Variants in NAALADL2 observed in about 807,000 individuals in gnomAD.
NAALADL2 encodes inactive N-acetylated-alpha-linked acidic dipeptidase-like protein 2.
Under a neutral mutation model 87.2 loss-of-function variants are expected in NAALADL2, and 76 were observed. That is an observed-to-expected ratio of 0.87 (90% confidence interval 0.72 to 1.05). The LOEUF (loss-of-function observed/expected upper bound fraction) is 1.05. NAALADL2 is among the 50% of genes least tolerant of loss of function. The pLI is 0.00. For synonymous variants in NAALADL2, 354 were observed against 331.0 expected (o/e 1.07, Z -0.75); for missense variants, 1,089 against 945.8 (o/e 1.15, Z -1.99).
At chr3:174,882,555 A>ATG (rs1168505041) in intron 1 of NAALADL2, among the ~76,000 whole-genome samples, 3 of 149,728 alleles carry the variant, frequency 2.0e-5, no homozygotes, top group African/African-American at 5.0e-5. Flanking sequence ...ATATGTACAT[A>ATG]TGTGTATATA....
chr3:175,370,432 C>T (rs1766321391), intron 5 of NAALADL2, among the ~76,000 whole-genome samples: 1 of 151,626 alleles, frequency 6.6e-6, no homozygotes, highest in African/African-American at 2.4e-5. Flanking sequence ...CCATTAACTA[C>T]TGATGCTTCT....
chr3:175,536,571 TAAATTA>T (rs970175308), intron 9 of NAALADL2, among the ~76,000 whole-genome samples: 2 of 152,286 alleles, frequency 1.3e-5, no homozygotes, highest in African/African-American at 4.8e-5. Context: ...AATTAAATAT[TAAATTA>T]ATAGACTTGA....
intron 3 of NAALADL2, among the ~76,000 whole-genome samples, chr3:174,817,564 T>G (rs1411488851): frequency 6.6e-6 from 1 of 152,160 alleles, no homozygotes; most frequent in South Asian, 2.1e-4. Context: ...ATTGTACCAC[T>G]GCACTTCAGC....
At chr3:175,457,523 C>A (rs761154497) in intron 6 of NAALADL2, among the ~76,000 whole-genome samples, 3 of 151,984 alleles carry the variant, frequency 2.0e-5, no homozygotes, top group Non-Finnish European at 4.4e-5. Context: ...GACTTTCCAA[C>A]TTCCTTTTTT....
chr3:174,766,223 G>T (rs1404999354), intron 3 of NAALADL2, among the ~76,000 whole-genome samples: 2 of 152,094 alleles, frequency 1.3e-5, no homozygotes, highest in African/African-American at 2.4e-5. Flanking sequence ...TATTGGGCTG[G>T]TTTTGTCTTC....
At chr3:175,307,721 T>C (rs374163202) in intron 4 of NAALADL2, among the ~76,000 whole-genome samples, 4 of 152,330 alleles carry the variant, frequency 2.6e-5, no homozygotes, top group African/African-American at 9.6e-5. Context: ...CATTGTGGAT[T>C]TCTTAGCACT....
intron 1 of NAALADL2, among the ~76,000 whole-genome samples, chr3:174,960,038 G>A (rs954883823): frequency 6.6e-6 from 1 of 152,038 alleles, no homozygotes; most frequent in African/African-American, 2.4e-5. Context: ...GGAGTCTTGT[G>A]GGGGCAAAGT....
chr3:175,528,814 A>C (rs1337683109), intron 9 of NAALADL2, among the ~76,000 whole-genome samples: 1 of 152,218 alleles, frequency 6.6e-6, no homozygotes, highest in African/African-American at 2.4e-5. Context: ...AAATGAAGAT[A>C]TTTTGTTAGT....
intron 1 of NAALADL2, among the ~76,000 whole-genome samples, chr3:175,063,952 G>A (rs1580259720): frequency 6.6e-6 from 1 of 151,992 alleles, no homozygotes; most frequent in Non-Finnish European, 1.5e-5. Context: ...CCTAAATCCT[G>A]CTGAGTTACT....
intron 5 of NAALADL2, among the ~76,000 whole-genome samples, chr3:175,413,809 A>C (rs1254363327): frequency 6.6e-6 from 1 of 152,076 alleles, no homozygotes; most frequent in South Asian, 2.1e-4. Context: ...GGATAGGTTA[A>C]AAGGTTTATT....
At chr3:175,605,506 T>G (rs565716282) in intron 10 of NAALADL2, among the ~76,000 whole-genome samples, 1 of 152,278 alleles carries the variant, frequency 6.6e-6, no homozygotes, top group Non-Finnish European at 1.5e-5. Flanking sequence ...AGAAAAAAGA[T>G]AATTTAAATT....
At chr3:174,984,342 G>A (rs1356517465) in intron 1 of NAALADL2, among the ~76,000 whole-genome samples, 1 of 152,098 alleles carries the variant, frequency 6.6e-6, no homozygotes. Context: ...TATATTTGTA[G>A]GTGGTCTTCC....
chr3:175,795,104 C>T (rs1753299277), intron 13 of NAALADL2, among the ~76,000 whole-genome samples: 1 of 152,196 alleles, frequency 6.6e-6, no homozygotes. Context: ...ACCCCCAAGG[C>T]TCCACTTCCT....
At chr3:175,579,493 T>A (rs1181604914) in intron 10 of NAALADL2, among the ~76,000 whole-genome samples, 1 of 152,210 alleles carries the variant, frequency 6.6e-6, no homozygotes, top group Non-Finnish European at 1.5e-5. Flanking sequence ...GATCTTTAGC[T>A]TTTCTTGGCC....
intron 9 of NAALADL2, among the ~76,000 whole-genome samples, chr3:175,472,682 A>T (rs1463074768): frequency 3.9e-5 from 6 of 152,172 alleles, no homozygotes; most frequent in African/African-American, 1.4e-4. Context: ...TTCATAAAGT[A>T]TTTTTAGCTT....
intron 5 of NAALADL2, among the ~76,000 whole-genome samples, chr3:175,349,992 G>A (rs1452746712): frequency 6.7e-6 from 1 of 149,746 alleles, no homozygotes; most frequent in African/African-American, 2.5e-5. Context: ...TGACTCCTCC[G>A]AAGGCACTTC....
intron 3 of NAALADL2, among the ~76,000 whole-genome samples, chr3:174,846,620 A>G (rs1257784331): frequency 6.6e-6 from 1 of 152,230 alleles, no homozygotes; most frequent in African/African-American, 2.4e-5. Context: ...AAAAACAAAC[A>G]TATAGAAAAA....
chr3:175,559,946 C>T (rs753266325), intron 9 of NAALADL2, among the ~76,000 whole-genome samples: 5 of 152,086 alleles, frequency 3.3e-5, no homozygotes, highest in Non-Finnish European at 5.9e-5. Context: ...GTAATATTGG[C>T]CTCATATAAT....
intron 2 of NAALADL2, among the ~76,000 whole-genome samples, chr3:175,113,848 T>C (rs1037024693): frequency 3.4e-4 from 51 of 151,496 alleles, no homozygotes; most frequent in Non-Finnish European, 1.8e-4. Flanking sequence ...AAACCCAAAG[T>C]TTTCTCTGGA....
Sources: gnomAD v4.1 joint callset for allele counts (sites outside exome capture counted in the v4.1 genomes callset) on GRCh38, gnomAD v4.1.1 for gene constraint, MANE v1.5 for transcripts, NCBI Gene and HGNC (gene_info 2026-07-23, HGNC 2026-07-21) for gene names.